FHIT: variants seen among roughly 807,000 people sequenced by gnomAD.
The protein encoded by FHIT is bis(5'-adenosyl)-triphosphatase.
Under a neutral mutation model 17.9 loss-of-function variants are expected in FHIT, and 19 were observed. The ratio of observed to expected loss-of-function variants is 1.06; its 90% CI spans 0.74 to 1.56. The LOEUF (loss-of-function observed/expected upper bound fraction) is 1.56, where lower values mean the gene tolerates loss of function less well. Ranked by LOEUF, FHIT falls within the 40% of genes most tolerant of loss-of-function variation. The probability of loss-of-function intolerance (pLI) is 0.00; values close to 1 mark genes in which losing one functional copy is unlikely to be tolerated. For synonymous variants in FHIT, 81 were observed against 69.7 expected, an observed-to-expected ratio of 1.16 and a Z score of -0.81; for missense variants, 248 against 189.2, an observed-to-expected ratio of 1.31 and a Z score of -1.82.
intron 5 of FHIT, among the ~76,000 whole-genome samples, chr3:60,383,125 C>G (rs1021473460): frequency 6.6e-6 from 1 of 152,172 alleles, no homozygotes; most frequent in Non-Finnish European, 1.5e-5. Flanking sequence ...GAAAACAGAG[C>G]GACAGAAATG....
chr3:60,132,302 C>T (rs1469195354), intron 5 of FHIT, among the ~76,000 whole-genome samples: 1 of 152,222 alleles, frequency 6.6e-6, no homozygotes, highest in Non-Finnish European at 1.5e-5. Flanking sequence ...AGCAGCTGGC[C>T]TTGCTGATAG....
chr3:59,856,319 A>T (rs541148141), intron 8 of FHIT, among the ~76,000 whole-genome samples: 1 of 152,346 alleles, frequency 6.6e-6, no homozygotes, highest in African/African-American at 2.4e-5. Context: ...GTAATTGTTA[A>T]AATTTTTTTT....
intron 7 of FHIT, among the ~76,000 whole-genome samples, chr3:59,955,861 C>T (rs1193990069): frequency 6.6e-6 from 1 of 152,184 alleles, no homozygotes; most frequent in Non-Finnish European, 1.5e-5. Context: ...ACGGCAATCA[C>T]CTCCTAACTC....
Position 60,906,818 on chromosome 3 carries a change from T to C in FHIT, c.-110-84807A>G, listed in dbSNP as rs1706451595. 2.0e-5 allele frequency among the ~76,000 whole-genome samples: 3 copies of C among 152,238 alleles called. No individual in the cohort carries two copies. The South Asian group carries it at 6.2e-4, about 32-fold the overall frequency. ...GTATTTCAATATGAAATGTAGTGTC[T>C]TTTTTTAAGAAAGCTGTGATACAAG... On this transcript the variant is annotated intron_variant, in intron 3 of 9. Transcript: ENST00000492590.
At chr3:60,562,481 G>A (rs1325208739) in intron 4 of FHIT, among the ~76,000 whole-genome samples, 1 of 152,166 alleles carries the variant, frequency 6.6e-6, no homozygotes, top group East Asian at 1.9e-4. Context: ...AGCAATCCAG[G>A]AAGGGTGTTT....
At chr3:60,794,280 A>G (rs567206545) in intron 4 of FHIT, among the ~76,000 whole-genome samples, 114 of 152,252 alleles carry the variant, frequency 7.5e-4, no homozygotes, top group Non-Finnish European at 8.8e-4. Context: ...TATATCTTGT[A>G]TTCTAGATAT....
At chr3:59,963,273 T>A (rs537348009) in intron 7 of FHIT, among the ~76,000 whole-genome samples, 60 of 149,290 alleles carry the variant, frequency 4.0e-4, no homozygotes, top group South Asian at 6.3e-4. Flanking sequence ...TCTCAAAAAA[T>A]AATAATAATA....
chr3:60,501,162 C>A (rs1291585474), intron 5 of FHIT, among the ~76,000 whole-genome samples: 2 of 152,150 alleles, frequency 1.3e-5, no homozygotes, highest in African/African-American at 4.8e-5. Context: ...ACAAGCCATT[C>A]TGTAAAATAG....
intron 5 of FHIT, among the ~76,000 whole-genome samples, chr3:60,158,207 C>A (rs748157363): frequency 3.9e-5 from 6 of 152,294 alleles, no homozygotes; most frequent in Middle Eastern, 3.4e-3. Flanking sequence ...CATAGCCAGG[C>A]CACATTATTA....
chr3:60,866,699 GT>G (rs1394440318), intron 3 of FHIT, among the ~76,000 whole-genome samples: 1 of 152,170 alleles, frequency 6.6e-6, no homozygotes, highest in Admixed American at 6.6e-5. Flanking sequence ...AACCCAGAGG[GT>G]TTTTCCAGCT....
intron 5 of FHIT, among the ~76,000 whole-genome samples, chr3:60,129,049 G>GTTGTTTTTTTTTTTTT (rs759645654): frequency 1.7e-5 from 2 of 121,042 alleles, no homozygotes; most frequent in South Asian, 2.5e-4. Context: ...TTCCTTTTTT[G>GTTGTTTTTTTTTTTTT]TTTGTTTTTT....
intron 7 of FHIT, among the ~76,000 whole-genome samples, chr3:59,974,923 T>C (rs1204059656): frequency 2.0e-5 from 3 of 152,120 alleles, no homozygotes; most frequent in African/African-American, 7.2e-5. Flanking sequence ...CGGCTATTCA[T>C]TACAAATAAT....
rs969370253 is a variant in FHIT at position 61,205,918 on chromosome 3, C to G, written c.-212-5253G>C. On this transcript the variant is annotated intron_variant, in intron 1 of 9. Coordinates refer to ENST00000492590, the MANE Select transcript of FHIT (RefSeq NM_002012.4). ...CATGCCTATGTCCTGAATGGTATTG[C>G]CTAGGTTTTCTTCTAGGGTTTTTAT... is the stretch of plus-strand genomic sequence containing the variant. Among the ~76,000 whole-genome samples, 4 of 148,124 alleles carry G rather than the reference C, an allele frequency of 2.7e-5. No individual in the cohort carries two copies. In the Admixed American group the frequency reaches 2.7e-4, roughly 10 times the overall value.
intron 5 of FHIT, among the ~76,000 whole-genome samples, chr3:60,513,332 C>T (rs931584158): frequency 6.6e-6 from 1 of 152,102 alleles, no homozygotes; most frequent in African/African-American, 2.4e-5. Flanking sequence ...CACAGACCAC[C>T]CATGGAATTT....
intron 8 of FHIT, among the ~76,000 whole-genome samples, chr3:59,921,396 G>T (rs1160581819): frequency 6.6e-6 from 1 of 152,154 alleles, no homozygotes; most frequent in Non-Finnish European, 1.5e-5. Context: ...ATAAACAATC[G>T]AGATAAACAA....
chr3:59,956,484 A>G (rs1449990672), intron 7 of FHIT, among the ~76,000 whole-genome samples: 1 of 152,224 alleles, frequency 6.6e-6, no homozygotes, highest in African/African-American at 2.4e-5. Context: ...CCTGGCCAAC[A>G]TGGTGAAACC....
intron 5 of FHIT, among the ~76,000 whole-genome samples, chr3:60,465,194 T>C (rs1324831804): frequency 6.6e-6 from 1 of 152,178 alleles, no homozygotes; most frequent in African/African-American, 2.4e-5. Flanking sequence ...TATCCAGATC[T>C]CTGCTCATTT....
intron 2 of FHIT, among the ~76,000 whole-genome samples, chr3:61,087,710 C>T (rs1208174005): frequency 2.6e-5 from 4 of 152,168 alleles, no homozygotes; most frequent in East Asian, 3.9e-4. Flanking sequence ...CACACACATA[C>T]GCACAAAATT....
chr3:60,439,841 G>A (rs994747608), intron 5 of FHIT, among the ~76,000 whole-genome samples: 1 of 152,098 alleles, frequency 6.6e-6, no homozygotes, highest in Non-Finnish European at 1.5e-5. Flanking sequence ...CTTTGGGCTT[G>A]TTCAAAAGTA....
Sources: allele counts gnomAD v4.1 joint callset (sites outside exome capture counted in the v4.1 genomes callset), GRCh38; gene constraint gnomAD v4.1.1; transcripts MANE v1.5; gene names NCBI Gene and HGNC (gene_info 2026-07-23, HGNC 2026-07-21).